The following GPHN variants were observed in gnomAD, a reference collection of about 807,000 sequenced individuals.
GPHN encodes the protein gephyrin.
In GPHN, 17 loss-of-function variants were observed where a neutral mutation model predicts 95.5. The ratio of observed to expected loss-of-function variants is 0.18; its 90% CI spans 0.12 to 0.27. The LOEUF (loss-of-function observed/expected upper bound fraction) is 0.27. Ranked by LOEUF, GPHN falls within the 10% of genes least tolerant of loss-of-function variation. The pLI, the probability that GPHN is intolerant of heterozygous loss-of-function variation, is 1.00. For missense variants in GPHN, 660 were observed against 978.1 expected, an observed-to-expected ratio of 0.67 and a Z score of 4.34; for synonymous variants, 320 against 322.5, an observed-to-expected ratio of 0.99 and a Z score of 0.08.
chr14:66,520,922 T>C (rs1325500180), intron 1 of GPHN, among the ~76,000 whole-genome samples: 3 of 152,108 alleles, frequency 2.0e-5, no homozygotes, highest in African/African-American at 7.2e-5. Context: ...TGAGTTCTTT[T>C]AGCCCCCACT....
At chr14:66,667,937 A>G (rs8017217) in intron 1 of GPHN, among the ~76,000 whole-genome samples, 47,299 of 152,094 alleles carry the variant, frequency 0.31, 11,173 homozygotes, top group African/African-American at 0.63. Context: ...ACTTAAATAC[A>G]TTTAGAAGAA....
chr14:67,555,950 T>C, the GPHN span: 1 of 1,585,928 alleles, frequency 6.3e-7, no homozygotes, highest in Non-Finnish European at 8.6e-7. Context: ...TTCCAGGCCC[T>C]TCCCACGGAC....
At chr14:67,353,017 C>T in the GPHN span, 35 of 1,613,616 alleles carry the variant, frequency 2.2e-5, no homozygotes, top group African/African-American at 1.7e-4. Flanking sequence ...TCCCTTTAAA[C>T]GAGCCTTCAT....
At chr14:66,661,550 A>G (rs886141222) in intron 1 of GPHN, among the ~76,000 whole-genome samples, 2 of 151,058 alleles carry the variant, frequency 1.3e-5, no homozygotes, top group African/African-American at 4.9e-5. Context: ...GGACAGCTCA[A>G]CCTTTCCAGC....
At chr14:67,205,173 T>C in the GPHN span, 1 of 1,348,810 alleles carries the variant, frequency 7.4e-7, no homozygotes, top group Non-Finnish European at 9.9e-7. Context: ...TAGCTGACAT[T>C]GATTATCAAA....
At chr14:66,611,759 C>A (rs928591666) in intron 1 of GPHN, among the ~76,000 whole-genome samples, 1 of 152,116 alleles carries the variant, frequency 6.6e-6, no homozygotes, top group African/African-American at 2.4e-5. Flanking sequence ...CATCAAATAC[C>A]AGCTCTACTG....
chr14:66,577,830 C>T (rs1013262194), intron 1 of GPHN, among the ~76,000 whole-genome samples: 1 of 152,012 alleles, frequency 6.6e-6, no homozygotes, highest in African/African-American at 2.4e-5. Context: ...ATGTCTCTCC[C>T]AGTCAAGGTT....
chr14:67,072,471 A>C (rs1006921192), intron 11 of GPHN, among the ~76,000 whole-genome samples: 4 of 152,018 alleles, frequency 2.6e-5, no homozygotes, highest in Admixed American at 1.3e-4. Flanking sequence ...CTGTTTTCTC[A>C]AGTAAAGACT....
At chr14:67,656,399 T>C in the GPHN span, 1 of 1,573,942 alleles carries the variant, frequency 6.4e-7, no homozygotes, top group Non-Finnish European at 8.6e-7. Context: ...CCCCTTTCCC[T>C]GTCTGCCCAG....
At chr14:67,345,726 C>T in the GPHN span, 1 of 1,410,066 alleles carries the variant, frequency 7.1e-7, no homozygotes, top group Non-Finnish European at 1.0e-6. Flanking sequence ...TTGACTGTTA[C>T]AAATCAAACT....
intron 10 of GPHN, among the ~76,000 whole-genome samples, chr14:67,051,863 C>A: frequency 6.6e-6 from 1 of 152,090 alleles, no homozygotes; most frequent in Admixed American, 6.6e-5. Context: ...CCAAACTAAA[C>A]TTCGTAAAGT....
chr14:66,969,568 G>A (rs748300544), intron 9 of GPHN: 1 of 152,402 alleles, frequency 6.6e-6, no homozygotes, highest in East Asian at 1.9e-4. Context: ...GGAAGGCTAA[G>A]GCCAGTGGAT....
chr14:66,720,848 G>A (rs1032315475), intron 2 of GPHN, among the ~76,000 whole-genome samples: 4 of 152,084 alleles, frequency 2.6e-5, no homozygotes, highest in Non-Finnish European at 5.9e-5. Flanking sequence ...CTTATTGATG[G>A]AGAGAGATGC....
the GPHN span, among the ~76,000 whole-genome samples, chr14:67,195,498 G>A: frequency 1.3e-5 from 2 of 152,104 alleles, no homozygotes; most frequent in East Asian, 1.9e-4. Flanking sequence ...AGTGTGAACC[G>A]TAGACACACC....
chr14:66,755,202 G>A (rs2058514354), intron 2 of GPHN, among the ~76,000 whole-genome samples: 1 of 152,026 alleles, frequency 6.6e-6, no homozygotes, highest in Non-Finnish European at 1.5e-5. Context: ...GTTCATGCAA[G>A]CCAAATATTT....
the GPHN span, among the ~76,000 whole-genome samples, chr14:67,680,485 A>T: frequency 2.0e-5 from 3 of 152,144 alleles, no homozygotes; most frequent in South Asian, 6.2e-4. Flanking sequence ...TGTTTTTTTT[A>T]GACAGGGTCT....
At chr14:67,502,627 C>G in the GPHN span, among the ~76,000 whole-genome samples, 1 of 151,718 alleles carries the variant, frequency 6.6e-6, no homozygotes, top group Non-Finnish European at 1.5e-5. Context: ...TAATTTTGTA[C>G]TTTTAGTAGA....
the GPHN span, among the ~76,000 whole-genome samples, chr14:67,479,410 CAA>C: frequency 8.7e-5 from 11 of 125,878 alleles, no homozygotes; most frequent in Admixed American, 2.5e-4. Context: ...GACTCTGTCT[CAA>C]AAAAAAAAAA....
intron 14 of GPHN, 22 bp downstream of exon 14, chr14:67,110,281 C>T (rs1446030396): frequency 6.2e-7 from 1 of 1,612,588 alleles, no homozygotes; most frequent in Admixed American, 1.7e-5. Context: ...CCAAGTCTTA[C>T]TGTGCTGTTG....
Sources: gnomAD v4.1 joint callset for allele counts (sites outside exome capture counted in the v4.1 genomes callset) on GRCh38, gnomAD v4.1.1 for gene constraint, MANE v1.5 for transcripts, NCBI Gene and HGNC (gene_info 2026-07-23, HGNC 2026-07-21) for gene names.